The following SPAG16 variants were observed in gnomAD, a reference collection of about 807,000 sequenced individuals.
SPAG16 encodes the protein sperm-associated antigen 16 protein.
A neutral mutation model predicts 80.4 loss-of-function variants in SPAG16; 86 were observed. The ratio of observed to expected loss-of-function variants is 1.07; its 90% CI spans 0.90 to 1.28. SPAG16 has a LOEUF of 1.28. Among genes scored for constraint, SPAG16 ranks in the 50% most tolerant of loss-of-function variants. The pLI is 0.00. For missense variants in SPAG16, 870 were observed against 765.3 expected (o/e 1.14, Z -1.61); for synonymous variants, 294 against 265.9 (o/e 1.11, Z -1.03).
chr2:214,132,923 T>C (rs931722319), intron 14 of SPAG16, among the ~76,000 whole-genome samples: 1 of 151,616 alleles, frequency 6.6e-6, no homozygotes, highest in Non-Finnish European at 1.5e-5. Flanking sequence ...AGAAACCCCG[T>C]CTCTACTAAA....
At chr2:213,728,733 C>T (rs904301223) in intron 10 of SPAG16, among the ~76,000 whole-genome samples, 3 of 151,508 alleles carry the variant, frequency 2.0e-5, no homozygotes, top group Non-Finnish European at 2.9e-5. Context: ...AAAAATTAGC[C>T]GGGCGTGGTG....
intron 15 of SPAG16, among the ~76,000 whole-genome samples, chr2:214,215,034 G>A (rs1414724597): frequency 2.6e-5 from 4 of 151,892 alleles, no homozygotes; most frequent in African/African-American, 7.3e-5. Flanking sequence ...CTTCATAAAT[G>A]TTAGTGATGA....
At chr2:213,903,010 G>A (rs2077281755) in intron 11 of SPAG16, among the ~76,000 whole-genome samples, 1 of 152,208 alleles carries the variant, frequency 6.6e-6, no homozygotes, top group East Asian at 1.9e-4. Context: ...AGGTCATGCT[G>A]ATATAAGAGG....
chr2:213,381,838 TA>T (rs2067191040), intron 9 of SPAG16, among the ~76,000 whole-genome samples: 1 of 152,206 alleles, frequency 6.6e-6, no homozygotes, highest in South Asian at 2.1e-4. Flanking sequence ...CCACTGCCAA[TA>T]AATAGGTATA....
intron 3 of SPAG16, among the ~76,000 whole-genome samples, chr2:213,309,081 A>G (rs185354928): frequency 3.2e-4 from 48 of 152,236 alleles, no homozygotes; most frequent in Admixed American, 3.1e-3. Flanking sequence ...AAGTACTTGC[A>G]TGTGGAATTT....
chr2:214,289,232 T>C (rs1451973901), intron 15 of SPAG16, among the ~76,000 whole-genome samples: 2 of 152,214 alleles, frequency 1.3e-5, no homozygotes, highest in Non-Finnish European at 2.9e-5. Flanking sequence ...GCTATGTAGC[T>C]TTTTAGTTTA....
chr2:213,999,580 T>A (rs1203331368), intron 12 of SPAG16, among the ~76,000 whole-genome samples: 1 of 152,194 alleles, frequency 6.6e-6, no homozygotes, highest in African/African-American at 2.4e-5. Flanking sequence ...CACTGCCTAG[T>A]GGGGCTGTGA....
intron 12 of SPAG16, among the ~76,000 whole-genome samples, chr2:213,952,001 T>C (rs1330441700): frequency 6.6e-6 from 1 of 152,152 alleles, no homozygotes; most frequent in African/African-American, 2.4e-5. Context: ...GTAAGTTTCA[T>C]AGAGTGGCTT....
At chr2:213,587,731 C>A (rs959068923) in intron 10 of SPAG16, among the ~76,000 whole-genome samples, 3 of 151,194 alleles carry the variant, frequency 2.0e-5, no homozygotes, top group African/African-American at 7.4e-5. Context: ...ATTTTAAATT[C>A]TCTCTTTTTA....
At chr2:213,947,698 C>A (rs976309881) in intron 12 of SPAG16, among the ~76,000 whole-genome samples, 4 of 151,956 alleles carry the variant, frequency 2.6e-5, no homozygotes, top group Non-Finnish European at 5.9e-5. Flanking sequence ...AAATAAAGTA[C>A]CTAATTTTCG....
At chr2:213,421,995 G>C (rs1359101786) in intron 9 of SPAG16, 1 of 576,136 alleles carries the variant, frequency 1.7e-6, no homozygotes, top group African/African-American at 1.9e-5. Flanking sequence ...GTTCCTCTCT[G>C]CCTTGCCCAT....
intron 3 of SPAG16, among the ~76,000 whole-genome samples, chr2:213,308,490 G>A: frequency 6.6e-6 from 1 of 152,058 alleles, no homozygotes; most frequent in Non-Finnish European, 1.5e-5. Flanking sequence ...TTGAAAATAT[G>A]ATTTAGTGTT....
chr2:214,173,445 C>T (rs562948969), intron 15 of SPAG16, among the ~76,000 whole-genome samples: 1 of 152,052 alleles, frequency 6.6e-6, no homozygotes, highest in South Asian at 2.1e-4. Context: ...CTGTTCTGTT[C>T]CATTGATCTA....
At chr2:214,199,340 C>T (rs1393767949) in intron 15 of SPAG16, among the ~76,000 whole-genome samples, 1 of 152,108 alleles carries the variant, frequency 6.6e-6, no homozygotes, top group African/African-American at 2.4e-5. Context: ...GTTTTCCCAG[C>T]ACCATTTATT....
intron 15 of SPAG16, among the ~76,000 whole-genome samples, chr2:214,299,981 GT>G (rs1694434077): frequency 6.6e-6 from 1 of 152,054 alleles, no homozygotes; most frequent in Non-Finnish European, 1.5e-5. Flanking sequence ...AACTTTATAA[GT>G]CAACTTTAAT....
chr2:214,357,836 T>G (rs2126063918), intron 15 of SPAG16, among the ~76,000 whole-genome samples: 1 of 152,040 alleles, frequency 6.6e-6, no homozygotes, highest in Middle Eastern at 3.4e-3. Flanking sequence ...GGAAGGCTTA[T>G]TCATGCTTCT....
intron 10 of SPAG16, among the ~76,000 whole-genome samples, chr2:213,764,589 A>G (rs1403123041): frequency 6.6e-6 from 1 of 152,148 alleles, no homozygotes. Context: ...TTTTATTTAT[A>G]TAGCTAAATT....
intron 15 of SPAG16, among the ~76,000 whole-genome samples, chr2:214,211,466 C>T (rs969760536): frequency 4.6e-5 from 7 of 152,156 alleles, no homozygotes; most frequent in South Asian, 2.1e-4. Context: ...AGTGAGTGAT[C>T]CTACAGTCAT....
At chr2:213,936,135 A>G (rs1256415292) in intron 12 of SPAG16, among the ~76,000 whole-genome samples, 1 of 152,112 alleles carries the variant, frequency 6.6e-6, no homozygotes, top group African/African-American at 2.4e-5. Flanking sequence ...CCAAGCAGAT[A>G]CTTGGGAGGA....
Sources: gnomAD v4.1 joint callset for allele counts (sites outside exome capture counted in the v4.1 genomes callset) on GRCh38, gnomAD v4.1.1 for gene constraint, MANE v1.5 for transcripts, NCBI Gene and HGNC (gene_info 2026-07-23, HGNC 2026-07-21) for gene names.